The following NUDT9 variants were observed in gnomAD, a reference collection of about 807,000 sequenced individuals.
NUDT9 encodes the protein nudix hydrolase 9.
A neutral mutation model predicts 41.0 loss-of-function variants in NUDT9; 31 were observed. That is an observed-to-expected ratio of 0.76 (90% CI 0.57 to 1.02). The LOEUF (loss-of-function observed/expected upper bound fraction) is 1.02, where lower values mean the gene tolerates loss of function less well. Among genes scored for constraint, NUDT9 ranks in the 50% least tolerant of loss-of-function variants. The pLI, the probability that NUDT9 is intolerant of heterozygous loss-of-function variation, is 0.00. For missense variants in NUDT9, 380 were observed against 431.4 expected (o/e 0.88, Z 1.06); for synonymous variants, 146 against 147.6 (o/e 0.99, Z 0.08).
At chr4:87,436,583 T>A (rs1360666782) in intron 2 of NUDT9, among the ~76,000 whole-genome samples, 1 of 152,162 alleles carries the variant, frequency 6.6e-6, no homozygotes, top group Admixed American at 6.5e-5. Flanking sequence ...AGTGCTGGGA[T>A]TACAGGCATG....
chr4:87,440,966 CA>C (rs1359935224), intron 3 of NUDT9, among the ~76,000 whole-genome samples: 1 of 151,960 alleles, frequency 6.6e-6, no homozygotes, highest in African/African-American at 2.4e-5. Flanking sequence ...TTGCTATTTG[CA>C]AGTCTTGCTG....
At chr4:87,453,104 AC>A (rs1364453821) in intron 6 of NUDT9, among the ~76,000 whole-genome samples, 2 of 151,526 alleles carry the variant, frequency 1.3e-5, no homozygotes, top group African/African-American at 4.9e-5. Context: ...GAGCCACCGC[AC>A]CCGGCCTTTT....
At chr4:87,451,185 A>G (rs1479126122) in intron 5 of NUDT9, among the ~76,000 whole-genome samples, 1 of 152,240 alleles carries the variant, frequency 6.6e-6, no homozygotes, top group Non-Finnish European at 1.5e-5. Flanking sequence ...TAGAGATAAT[A>G]GCAGGTACAA....
intron 1 of NUDT9, among the ~76,000 whole-genome samples, chr4:87,433,330 TTCTC>T (rs1259082945): frequency 6.6e-6 from 1 of 152,224 alleles, no homozygotes; most frequent in Non-Finnish European, 1.5e-5. Flanking sequence ...TCCTGCACCT[TTCTC>T]TATCTTTCAT....
At position 87,458,234 on chromosome 4, in the gene NUDT9, A is replaced by G; in HGVS notation, c.*213A>G. ...CAGCTCTTTGGTCAAAAGGAATATA[A>G]GTAATCATATTTTGTATGTATTCGA... On this transcript the variant is annotated 3_prime_UTR_variant, in exon 8 of 8. Coordinates refer to ENST00000302174, the MANE Select transcript of NUDT9 (RefSeq NM_024047.5). 1 of 397,854 alleles carries G rather than the reference A, an allele frequency of 2.5e-6. No homozygotes were observed. 24.6% of individuals were successfully genotyped at this position (397,854 alleles called of 1,614,324 possible).
At chr4:87,436,656 C>T (rs764756579) in intron 2 of NUDT9, among the ~76,000 whole-genome samples, 10 of 152,122 alleles carry the variant, frequency 6.6e-5, no homozygotes, top group Non-Finnish European at 1.3e-4. Flanking sequence ...GGCATTGCAG[C>T]TCTGGTTTTA....
intron 2 of NUDT9, among the ~76,000 whole-genome samples, chr4:87,437,264 A>AG (rs1721979097): frequency 7.4e-6 from 1 of 134,582 alleles, no homozygotes; most frequent in African/African-American, 2.6e-5. Context: ...AAAAAAAAAA[A>AG]AAAAGAAAGA....
intron 5 of NUDT9, among the ~76,000 whole-genome samples, chr4:87,450,383 T>C (rs561763493): frequency 5.6e-4 from 79 of 140,010 alleles, no homozygotes; most frequent in Middle Eastern, 3.5e-3. Context: ...TTTTTCTTTT[T>C]TTTTTTTTTT....
At chr4:87,453,172 T>G (rs1236610651) in intron 6 of NUDT9, among the ~76,000 whole-genome samples, 3 of 152,186 alleles carry the variant, frequency 2.0e-5, no homozygotes, top group Non-Finnish European at 4.4e-5. Context: ...GATTTAGTTA[T>G]TTATGTTGTC....
At chr4:87,438,202 G>T in intron 2 of NUDT9, 75 bp from the exon 3 acceptor site, 1 of 747,558 alleles carries the variant, frequency 1.3e-6, no homozygotes, top group East Asian at 2.8e-5. Context: ...ATGGATAACA[G>T]ATTGACTTTC....
rs753149741 is a variant in NUDT9, at chr4:87,451,654, C to G, written c.708C>G (p.Leu236=). ...AAAGAGAATTTGGTGAGGAAGCTCT[C>G]AACTCCTTACAGAAAACCAGTGCTG... ...TLKREFGEEA[L]NSLQKTSAEK... Residue 236 remains leucine (L), a synonymous_variant, in exon 6 of 8, where the codon CTC becomes CTG. Coordinates refer to ENST00000302174, the MANE Select transcript of NUDT9 (RefSeq NM_024047.5). The G allele has an allele frequency of 1.9e-6, 3 of 1,613,718 alleles. No individual in the cohort carries two copies. The East Asian group carries it at 6.7e-5, about 36-fold the overall frequency.
chr4:87,437,543 C>T (rs1049537636), intron 2 of NUDT9, among the ~76,000 whole-genome samples: 1 of 151,546 alleles, frequency 6.6e-6, no homozygotes, highest in Non-Finnish European at 1.5e-5. Context: ...GGGGTTCCAC[C>T]ATGTTAGCCA....
intron 4 of NUDT9, among the ~76,000 whole-genome samples, chr4:87,442,702 G>A (rs1317806717): frequency 6.6e-6 from 1 of 151,728 alleles, no homozygotes; most frequent in African/African-American, 2.4e-5. Context: ...TGTTTCTTCT[G>A]TTTGTTTTTA....
At chr4:87,443,350 C>T (rs945099413) in intron 4 of NUDT9, among the ~76,000 whole-genome samples, 4 of 151,870 alleles carry the variant, frequency 2.6e-5, no homozygotes, top group East Asian at 3.9e-4. Context: ...CATAGTGATG[C>T]GATGTAAGTA....
intron 5 of NUDT9, among the ~76,000 whole-genome samples, chr4:87,451,079 T>G (rs1722688007): frequency 6.6e-6 from 1 of 152,216 alleles, no homozygotes; most frequent in Admixed American, 6.5e-5. Flanking sequence ...ACAGGGCAGT[T>G]AAGAGAAGAC....
intron 4 of NUDT9, among the ~76,000 whole-genome samples, chr4:87,444,560 A>G (rs946051745): frequency 1.3e-5 from 2 of 152,218 alleles, no homozygotes; most frequent in African/African-American, 4.8e-5. Context: ...TATTAATGGC[A>G]GTGTTAGTTT....
At chr4:87,428,860 A>C (rs981706963) in intron 1 of NUDT9, among the ~76,000 whole-genome samples, 1 of 152,190 alleles carries the variant, frequency 6.6e-6, no homozygotes, top group African/African-American at 2.4e-5. Context: ...AGAGCCACGG[A>C]GCCATACGTT....
At chr4:87,449,073 A>T in intron 4 of NUDT9, 69 bp from the exon 5 acceptor site, 1 of 863,032 alleles carries the variant, frequency 1.2e-6, no homozygotes, top group South Asian at 1.5e-5. Context: ...TTGTAACTTT[A>T]TCTCAAGTTT....
At position 87,436,706 on chromosome 4, in the gene NUDT9, A is replaced by G. The variant is rs6855378; in HGVS notation, c.347+1486A>G. On this transcript the variant is annotated intron_variant, in intron 2 of 7. Coordinates refer to ENST00000302174, the MANE Select transcript of NUDT9 (RefSeq NM_024047.5). The stretch of plus-strand genomic sequence containing the variant: ...TTATCATTTAATTCTTTTTATTTGC[A>G]TGTTAGATGGCAGATTGGCTAGAAG... 6.9e-3 allele frequency among the ~76,000 whole-genome samples: 1,043 copies of G among 152,168 alleles called. 8 individuals are homozygous for G. Among genetic ancestry groups the G allele is most frequent in the African/African-American group, 0.024 (982 of 41,510 alleles).
Sources: gnomAD v4.1 joint callset for allele counts (sites outside exome capture counted in the v4.1 genomes callset) on GRCh38, gnomAD v4.1.1 for gene constraint, MANE v1.5 for transcripts, NCBI Gene and HGNC (gene_info 2026-07-23, HGNC 2026-07-21) for gene names.